Variants in TMEM117 observed in about 807,000 individuals in gnomAD.
The protein encoded by TMEM117 is transmembrane protein 117.
A neutral mutation model predicts 52.4 loss-of-function variants in TMEM117; 27 were observed. The ratio of observed to expected loss-of-function variants is 0.51; its 90% CI spans 0.38 to 0.71. The LOEUF (loss-of-function observed/expected upper bound fraction) is 0.71. Ranked by LOEUF, TMEM117 falls within the 30% of genes least tolerant of loss-of-function variation. The pLI is 0.00. For missense variants in TMEM117, 556 were observed against 630.5 expected (o/e 0.88, Z 1.26); for synonymous variants, 215 against 206.3 (o/e 1.04, Z -0.36).
the TMEM117 span, among the ~76,000 whole-genome samples, chr12:43,818,678 C>T: frequency 1.3e-5 from 2 of 152,248 alleles, no homozygotes. Context: ...CTCTTGACCT[C>T]GTGATCCGAC....
rs143062837 is a variant in TMEM117, at chr12:43,968,824, C to G, written c.410+24482C>G. On this transcript the variant is annotated intron_variant, in intron 3 of 7. Transcript: ENST00000266534. ...TGTTTCAGTTATTTATGAGAAAGTA[C>G]CCGTATTTAAAACTGTTTCCAGAAT... Among the ~76,000 whole-genome samples, 717 of 152,242 alleles carry G rather than the reference C, an allele frequency of 4.7e-3. 6 individuals carry two copies. Among genetic ancestry groups the G allele is most frequent in the African/African-American group, 0.017 (688 of 41,536 alleles).
At chr12:44,021,994 G>A (rs1459942799) in intron 3 of TMEM117, among the ~76,000 whole-genome samples, 4 of 152,174 alleles carry the variant, frequency 2.6e-5, no homozygotes, top group Non-Finnish European at 5.9e-5. Context: ...CTATGAGTAT[G>A]TTATTTAAAA....
chr12:43,901,710 C>G (rs189991904), intron 2 of TMEM117, among the ~76,000 whole-genome samples: 33 of 152,296 alleles, frequency 2.2e-4, no homozygotes, highest in African/African-American at 7.2e-4. Flanking sequence ...CACAGCGCTA[C>G]TAACCAACTT....
chr12:44,366,815 C>T (rs1455673691), intron 6 of TMEM117, among the ~76,000 whole-genome samples: 1 of 152,118 alleles, frequency 6.6e-6, no homozygotes, highest in East Asian at 1.9e-4. Context: ...CAAAAGCCTG[C>T]TACATTCAAG....
In TMEM117 at chr12:44,205,767, C is replaced by G. The variant is rs996062298; in HGVS notation, c.511-5523C>G. ...TTAAAAAGAAAAAAAATGACAGATG[C>G]CAGCTGGGCTGCAGAGAAAAATGAA... On this transcript the variant is annotated intron_variant, in intron 4 of 7. Transcript: ENST00000266534. Among the ~76,000 whole-genome samples the G allele has an allele frequency of 1.6e-4, 25 of 152,200 alleles. No individual in the cohort carries two copies. In the Middle Eastern group the frequency reaches 0.014, roughly 83 times the overall value.
At chr12:44,254,677 CT>C (rs1421337789) in intron 5 of TMEM117, among the ~76,000 whole-genome samples, 2 of 151,594 alleles carry the variant, frequency 1.3e-5, no homozygotes, top group African/African-American at 4.8e-5. Flanking sequence ...TTTTATTATA[CT>C]TTAAGTTTTA....
chr12:44,038,300 T>C lies in TMEM117; in HGVS notation c.410+93958T>C, dbSNP rs565833705. Among the ~76,000 whole-genome samples the C allele has an allele frequency of 4.6e-5, 7 of 152,236 alleles. No individual in the cohort carries two copies. The South Asian group carries it at 1.2e-3, about 27-fold the overall frequency. ...CAAGCCAGGGCTGTGACACCCTCTC[T>C]GGGGCTCTGCAGTTCCTGGCATCTT... On this transcript the variant is annotated intron_variant, in intron 3 of 7. Transcript: ENST00000266534.
At chr12:44,375,233 CG>C (rs1305311568) in intron 6 of TMEM117, among the ~76,000 whole-genome samples, 1 of 152,078 alleles carries the variant, frequency 6.6e-6, no homozygotes, top group Non-Finnish European at 1.5e-5. Flanking sequence ...AGCTCTAGTG[CG>C]TTGGGTTTTA....
chr12:44,080,302 T>A (rs922547224), intron 3 of TMEM117, among the ~76,000 whole-genome samples: 3 of 152,010 alleles, frequency 2.0e-5, no homozygotes, highest in Admixed American at 6.6e-5. Context: ...ACGTCCCTCT[T>A]CACATGGCGA....
At chr12:44,267,770 T>C (rs1043460305) in intron 5 of TMEM117, among the ~76,000 whole-genome samples, 11 of 152,174 alleles carry the variant, frequency 7.2e-5, no homozygotes, top group South Asian at 4.1e-4. Flanking sequence ...TATTTGTCCT[T>C]TTGTGTCTGA....
At chr12:44,025,278 C>T (rs1281828220) in intron 3 of TMEM117, among the ~76,000 whole-genome samples, 1 of 152,120 alleles carries the variant, frequency 6.6e-6, no homozygotes, top group Admixed American at 6.6e-5. Flanking sequence ...CACCTAATCA[C>T]CATACGCAGC....
At chr12:44,373,790 T>C (rs1171792183) in intron 6 of TMEM117, among the ~76,000 whole-genome samples, 2 of 139,286 alleles carry the variant, frequency 1.4e-5, no homozygotes, top group African/African-American at 2.7e-5. Flanking sequence ...TTTTTTTTTT[T>C]TTTTTTTTTG....
intron 5 of TMEM117, among the ~76,000 whole-genome samples, chr12:44,215,753 CT>C (rs1429040297): frequency 6.6e-6 from 1 of 151,408 alleles, no homozygotes. Context: ...ACAAAATAGA[CT>C]TCTATGATTA....
intron 3 of TMEM117, among the ~76,000 whole-genome samples, chr12:44,001,086 C>G (rs11182370): frequency 6.6e-6 from 1 of 152,088 alleles, no homozygotes; most frequent in Non-Finnish European, 1.5e-5. Context: ...CTGGCAGTCC[C>G]GGAGACATCA....
At position 43,919,305 on chromosome 12, in the gene TMEM117, G is replaced by A. The variant is rs139555448; in HGVS notation, c.278-24905G>A. ...TTGATTAGTATTTCTCTATTTCCCC[G>A]TCCAGAACCAGACAACCACCCTTGT... On this transcript the variant is annotated intron_variant, in intron 2 of 7. Coordinates refer to ENST00000266534, the MANE Select transcript of TMEM117 (RefSeq NM_032256.3). Among the ~76,000 whole-genome samples the A allele has an allele frequency of 3.7e-3, 566 of 152,072 alleles. 3 individuals are homozygous for A. Among genetic ancestry groups the A allele is most frequent in the African/African-American group, 0.011 (455 of 41,476 alleles).
chr12:44,132,501 C>T (rs1356044151), intron 3 of TMEM117, among the ~76,000 whole-genome samples: 1 of 152,050 alleles, frequency 6.6e-6, no homozygotes, highest in Non-Finnish European at 1.5e-5. Flanking sequence ...CCTCTTCTCC[C>T]TTGCCTTCAG....
chr12:43,991,162 T>TG (rs1945931998), intron 3 of TMEM117, among the ~76,000 whole-genome samples: 2 of 152,182 alleles, frequency 1.3e-5, no homozygotes, highest in Admixed American at 1.3e-4. Context: ...TTCTTACTGG[T>TG]GGAGAACCTT....
At chr12:44,214,802 G>A (rs1300594093) in intron 5 of TMEM117, among the ~76,000 whole-genome samples, 1 of 152,044 alleles carries the variant, frequency 6.6e-6, no homozygotes, top group African/African-American at 2.4e-5. Flanking sequence ...TCTTGACAAT[G>A]GTATTCATGG....
the TMEM117 span, among the ~76,000 whole-genome samples, chr12:43,813,215 G>C: frequency 4.7e-5 from 6 of 128,616 alleles, no homozygotes; most frequent in East Asian, 2.3e-4. Flanking sequence ...CAGGTTTTCT[G>C]AACTGGTTTT....
Sources: gnomAD v4.1 joint callset for allele counts (sites outside exome capture counted in the v4.1 genomes callset) on GRCh38, gnomAD v4.1.1 for gene constraint, MANE v1.5 for transcripts, NCBI Gene and HGNC (gene_info 2026-07-23, HGNC 2026-07-21) for gene names.